Variants in BRINP1 observed in about 807,000 individuals in gnomAD.
BRINP1 encodes BMP/retinoic acid inducible neural specific 1.
In BRINP1, 17 loss-of-function variants were observed where a neutral mutation model predicts 72.9. The observed-to-expected ratio is 0.23, with a 90% CI of 0.16 to 0.35. The LOEUF is 0.35. Among genes scored for constraint, BRINP1 ranks in the 10% least tolerant of loss-of-function variants. The pLI, the probability that BRINP1 is intolerant of heterozygous loss-of-function variation, is 1.00. For synonymous variants in BRINP1, 418 were observed against 378.5 expected (o/e 1.10, Z -1.21); for missense variants, 850 against 1,001.6 (o/e 0.85, Z 2.04).
intron 2 of BRINP1, among the ~76,000 whole-genome samples, chr9:119,304,110 C>T (rs1830969722): frequency 6.6e-6 from 1 of 152,042 alleles, no homozygotes; most frequent in Admixed American, 6.6e-5. Context: ...AAACTCCTGA[C>T]CTCAAGTGAT....
At chr9:119,306,539 T>C (rs1371839405) in intron 2 of BRINP1, among the ~76,000 whole-genome samples, 1 of 152,176 alleles carries the variant, frequency 6.6e-6, no homozygotes, top group African/African-American at 2.4e-5. Context: ...ATTCTCATCT[T>C]TTGAGTCAAC....
intron 2 of BRINP1, among the ~76,000 whole-genome samples, chr9:119,262,285 T>C (rs1340704910): frequency 6.6e-6 from 1 of 152,146 alleles, no homozygotes; most frequent in Non-Finnish European, 1.5e-5. Context: ...AACTGCATCA[T>C]ATTTCTTACT....
chr9:119,307,828 G>T (rs563166725), intron 2 of BRINP1, among the ~76,000 whole-genome samples: 1 of 152,118 alleles, frequency 6.6e-6, no homozygotes, highest in Non-Finnish European at 1.5e-5. Context: ...AAAGGTCTGC[G>T]GTAAGAAGTC....
chr9:119,327,588 A>T (rs1236842480), intron 1 of BRINP1, among the ~76,000 whole-genome samples: 1 of 152,184 alleles, frequency 6.6e-6, no homozygotes, highest in African/African-American at 2.4e-5. Context: ...TTAAGGTAGG[A>T]TGAGGAAGCA....
intron 2 of BRINP1, among the ~76,000 whole-genome samples, chr9:119,264,421 A>T (rs7875604): frequency 0.047 from 7,120 of 152,290 alleles, 559 homozygotes; most frequent in African/African-American, 0.16. Context: ...GAGTTGGCTC[A>T]TGCCACCTCC....
chr9:119,184,359 T>C (rs890001062), intron 7 of BRINP1, among the ~76,000 whole-genome samples: 1 of 152,134 alleles, frequency 6.6e-6, no homozygotes, highest in African/African-American at 2.4e-5. Flanking sequence ...ACCTTTTTTT[T>C]CCTGCCCATA....
chr9:119,357,793 C>T (rs564222163), intron 1 of BRINP1, among the ~76,000 whole-genome samples: 1 of 152,314 alleles, frequency 6.6e-6, no homozygotes, highest in East Asian at 1.9e-4. Flanking sequence ...GTCTGCATGA[C>T]AGACTTCATT....
intron 6 of BRINP1, 65 bp downstream of exon 6, chr9:119,213,854 G>C (rs752482695): frequency 7.1e-7 from 1 of 1,403,002 alleles, no homozygotes; most frequent in African/African-American, 1.4e-5. Flanking sequence ...ATTCCAGTTA[G>C]ATTAGCTCCC....
chr9:119,219,839 G>A (rs1830021671), intron 5 of BRINP1, among the ~76,000 whole-genome samples: 1 of 152,084 alleles, frequency 6.6e-6, no homozygotes, highest in Non-Finnish European at 1.5e-5. Context: ...CTCTCCTAGG[G>A]GGTAGCATTT....
intron 1 of BRINP1, among the ~76,000 whole-genome samples, chr9:119,320,252 G>T (rs1831171793): frequency 6.6e-6 from 1 of 152,194 alleles, no homozygotes; most frequent in East Asian, 1.9e-4. Context: ...AGGGCCCTGA[G>T]GCAGCTGATC....
rs1341164705 is a variant in BRINP1, at chr9:119,337,350, G to C, written c.-50-23945C>G. 2.6e-5 allele frequency among the ~76,000 whole-genome samples: 4 copies of C among 152,240 alleles called. No homozygotes were observed. In the East Asian group the frequency reaches 7.7e-4, roughly 29 times the overall value. On this transcript the variant is annotated intron_variant, in intron 1 of 7. Coordinates refer to ENST00000265922, the MANE Select transcript of BRINP1 (RefSeq NM_014618.3). ...GCACAGGTCCCAGTCTGGAAGGACA[G>C]TAGAGAGCTTCCACGTAGGAATGAG...
intron 7 of BRINP1, among the ~76,000 whole-genome samples, chr9:119,174,403 A>G (rs968002528): frequency 1.3e-5 from 2 of 150,322 alleles, no homozygotes; most frequent in Non-Finnish European, 3.0e-5. Flanking sequence ...AATGCAAATC[A>G]AAACCACAAT....
chr9:119,209,493 G>A (rs533742776), intron 6 of BRINP1, among the ~76,000 whole-genome samples: 5 of 151,886 alleles, frequency 3.3e-5, no homozygotes, highest in South Asian at 4.2e-4. Context: ...GCTTGAACCC[G>A]GGAGGCAGAG....
intron 2 of BRINP1, among the ~76,000 whole-genome samples, chr9:119,278,235 C>G (rs1830675054): frequency 6.6e-6 from 1 of 152,174 alleles, no homozygotes; most frequent in Non-Finnish European, 1.5e-5. Context: ...AGCCCCTGCT[C>G]CAGCCCTCCC....
intron 2 of BRINP1, among the ~76,000 whole-genome samples, chr9:119,290,509 G>A (rs1438522435): frequency 6.6e-6 from 1 of 152,152 alleles, no homozygotes. Context: ...AACTGGTAGG[G>A]AAGGAGAATC....
At chr9:119,309,224 T>C (rs1831034534) in intron 2 of BRINP1, among the ~76,000 whole-genome samples, 1 of 152,214 alleles carries the variant, frequency 6.6e-6, no homozygotes. Context: ...ATCATCTCAG[T>C]TTCACAGAGG....
At chr9:119,355,538 C>T (rs188868562) in intron 1 of BRINP1, among the ~76,000 whole-genome samples, 21 of 152,096 alleles carry the variant, frequency 1.4e-4, no homozygotes, top group African/African-American at 4.8e-4. Context: ...ACCATCCTGG[C>T]TAACATGGTA....
At chr9:119,324,147 C>T (rs1831216048) in intron 1 of BRINP1, among the ~76,000 whole-genome samples, 2 of 152,122 alleles carry the variant, frequency 1.3e-5, no homozygotes, top group African/African-American at 4.8e-5. Context: ...CACCTTGGTG[C>T]CCAACTCAGT....
intron 7 of BRINP1, among the ~76,000 whole-genome samples, chr9:119,190,195 G>A (rs951877882): frequency 3.3e-5 from 5 of 151,724 alleles, no homozygotes; most frequent in Non-Finnish European, 5.9e-5. Context: ...GAGGCTTACA[G>A]CAATAAATAA....
Sources: gnomAD v4.1 joint callset for allele counts (sites outside exome capture counted in the v4.1 genomes callset) on GRCh38, gnomAD v4.1.1 for gene constraint, MANE v1.5 for transcripts, NCBI Gene and HGNC (gene_info 2026-07-23, HGNC 2026-07-21) for gene names.